TDRD9: variants seen among roughly 807,000 people sequenced by gnomAD.
The protein encoded by TDRD9 is tudor domain containing 9, also known as ATP-dependent RNA helicase TDRD9.
A neutral mutation model predicts 172.6 loss-of-function variants in TDRD9; 124 were observed. That is an observed-to-expected ratio of 0.72 (90% CI 0.62 to 0.83). The LOEUF is 0.83. TDRD9 is among the 40% of genes least tolerant of loss of function. TDRD9 has a pLI of 0.00. For missense variants in TDRD9, 1,479 were observed against 1,714.1 expected, an observed-to-expected ratio of 0.86 and a Z score of 2.42; for synonymous variants, 619 against 617.1, an observed-to-expected ratio of 1.00 and a Z score of -0.05.
At position 104,034,122 on chromosome 14, in the gene TDRD9, C is replaced by T. The variant is rs577756989; in HGVS notation, c.3619+53C>T. The T allele has an allele frequency of 6.4e-5, 70 of 1,101,974 alleles. No homozygotes were observed. The African/African-American group carries it at 9.8e-4, about 15-fold the overall frequency. The allele number at this position is 1,101,974 out of a possible 1,614,324, so 68.3% of individuals were successfully genotyped here. A position where few individuals can be genotyped will look rare whatever the true frequency, so the allele number is the denominator to read the frequency against. On this transcript the variant is annotated intron_variant, in intron 31 of 35. Coordinates refer to ENST00000409874, the MANE Select transcript of TDRD9 (RefSeq NM_153046.3). ...GTCCTCTCTTTTTTCTTTTCCTTGA[C>T]TTCAGCTACTAGGAACAACTTATCC...
chr14:103,986,073 A>C, intron 7 of TDRD9, 144 bp from the exon 8 acceptor site: 2 of 659,620 alleles, frequency 3.0e-6, no homozygotes, highest in Non-Finnish European at 5.4e-6. Context: ...GTGTTCAGAC[A>C]TTGCTGTCAA....
At chr14:103,939,291 C>T (rs1444820196) in intron 1 of TDRD9, among the ~76,000 whole-genome samples, 2 of 152,132 alleles carry the variant, frequency 1.3e-5, no homozygotes, top group African/African-American at 2.4e-5. Flanking sequence ...ACAAACTTCA[C>T]GTTCTCCTTG....
At position 103,959,455 on chromosome 14, in the gene TDRD9, CGTGT is replaced by C. The variant is rs151216232; in HGVS notation, c.323-3601_323-3598del. 6.2e-4 allele frequency among the ~76,000 whole-genome samples: 90 copies of C among 144,110 alleles called. 1 individual carries two copies. In the East Asian group the frequency reaches 0.011, roughly 17 times the overall value. The allele number at this position is 144,110 out of a possible 152,430, so 94.5% of individuals were successfully genotyped here. ...CACTGAAGAAGTAAGGTCAGGTTAT[CGTGT>C]GTGTGTGTGTGTGTGTGTGTGTATG... On this transcript the variant is annotated intron_variant, in intron 2 of 35. Coordinates refer to ENST00000409874, the MANE Select transcript of TDRD9 (RefSeq NM_153046.3).
intron 10 of TDRD9, 51 bp downstream of exon 10, chr14:103,994,437 T>C (rs556010363): frequency 5.0e-6 from 8 of 1,603,626 alleles, no homozygotes; most frequent in South Asian, 1.1e-5. Flanking sequence ...GCATTGTTTC[T>C]GCCTTAAATT....
chr14:104,037,166 G>C (rs147667113), intron 32 of TDRD9, among the ~76,000 whole-genome samples: 241 of 152,124 alleles, frequency 1.6e-3, no homozygotes, highest in Middle Eastern at 0.01. Flanking sequence ...CGAGCAGGAG[G>C]GGGGTCTTCA....
Position 104,047,769 on chromosome 14 carries a change from T to A in TDRD9, c.3975-1839T>A, listed in dbSNP as rs141019311. Among the ~76,000 whole-genome samples the A allele has an allele frequency of 6.6e-5, 10 of 152,334 alleles. 1 individual carries two copies. The highest frequency in any genetic ancestry group is 1.4e-4 in the African/African-American group (6 of 41,580). ...GATCTGTCCTAAGGTTACTGATCCT[T>A]TATTATTTCATCTCAGGTCGACGTG... On this transcript the variant is annotated intron_variant, in intron 34 of 35. Transcript: ENST00000409874.
At chr14:103,987,337 T>C (rs1176005353) in intron 8 of TDRD9, among the ~76,000 whole-genome samples, 3 of 152,200 alleles carry the variant, frequency 2.0e-5, no homozygotes, top group Non-Finnish European at 4.4e-5. Context: ...CTTAGATAGC[T>C]CATTTCTTTT....
At chr14:103,929,294 C>G (rs1289513908) in intron 1 of TDRD9, among the ~76,000 whole-genome samples, 2 of 152,144 alleles carry the variant, frequency 1.3e-5, no homozygotes, top group Admixed American at 6.6e-5. Flanking sequence ...TTTACTGTCT[C>G]CATAATTTTG....
At chr14:103,971,682 T>C (rs1225610604) in intron 6 of TDRD9, among the ~76,000 whole-genome samples, 2 of 152,190 alleles carry the variant, frequency 1.3e-5, no homozygotes, top group African/African-American at 4.8e-5. Context: ...CACCAGATCT[T>C]GCCAGGAAGC....
intron 7 of TDRD9, among the ~76,000 whole-genome samples, chr14:103,985,073 C>G (rs2033611986): frequency 2.0e-5 from 3 of 152,158 alleles, no homozygotes; most frequent in Non-Finnish European, 4.4e-5. Flanking sequence ...ACCTGTACCC[C>G]CATTGTATCT....
intron 1 of TDRD9, among the ~76,000 whole-genome samples, chr14:103,931,585 G>A (rs1158499059): frequency 6.6e-6 from 1 of 152,186 alleles, no homozygotes; most frequent in East Asian, 1.9e-4. Flanking sequence ...TCATGATTTT[G>A]TAGATGAAGC....
intron 28 of TDRD9, among the ~76,000 whole-genome samples, chr14:104,028,542 G>A (rs2035191610): frequency 6.6e-6 from 1 of 151,946 alleles, no homozygotes; most frequent in Admixed American, 6.6e-5. Flanking sequence ...TGGATTATTT[G>A]CTTTTTTGCT....
chr14:104,006,991 C>T, intron 18 of TDRD9, 146 bp downstream of exon 18: 1 of 981,170 alleles, frequency 1.0e-6, no homozygotes, highest in Non-Finnish European at 1.5e-6. Flanking sequence ...GTTAAATTAA[C>T]CGTGCTGGAA....
At chr14:104,034,438 C>T (rs2152255841) in intron 31 of TDRD9, among the ~76,000 whole-genome samples, 1 of 152,286 alleles carries the variant, frequency 6.6e-6, no homozygotes, top group African/African-American at 2.4e-5. Context: ...GATCCACCCG[C>T]CTTGGCCTCC....
intron 11 of TDRD9, among the ~76,000 whole-genome samples, chr14:103,995,193 A>G (rs964926392): frequency 6.6e-6 from 1 of 151,920 alleles, no homozygotes; most frequent in African/African-American, 2.4e-5. Context: ...CCTTGAAACC[A>G]CTCTGGTGAC....
intron 7 of TDRD9, among the ~76,000 whole-genome samples, chr14:103,984,383 C>T (rs1309430587): frequency 6.6e-6 from 1 of 152,166 alleles, no homozygotes; most frequent in Non-Finnish European, 1.5e-5. Flanking sequence ...GGCTTAGGGC[C>T]CCCGTGCTGT....
chr14:104,003,263 T>G (rs2034323237), intron 13 of TDRD9, among the ~76,000 whole-genome samples: 1 of 152,162 alleles, frequency 6.6e-6, no homozygotes, highest in Non-Finnish European at 1.5e-5. Context: ...GACCTCTTTA[T>G]GTTGGGATTT....
chr14:104,011,883 C>G (rs2034623198), intron 20 of TDRD9, among the ~76,000 whole-genome samples: 1 of 151,802 alleles, frequency 6.6e-6, no homozygotes, highest in African/African-American at 2.4e-5. Flanking sequence ...TTTATTTTAG[C>G]CAAAGGATAT....
intron 1 of TDRD9, among the ~76,000 whole-genome samples, chr14:103,947,528 C>T (rs2031635373): frequency 6.6e-6 from 1 of 152,006 alleles, no homozygotes; most frequent in South Asian, 2.1e-4. Context: ...TGGGGTTTCA[C>T]CGTGTTTGCC....
Sources: allele counts gnomAD v4.1 joint callset (sites outside exome capture counted in the v4.1 genomes callset), GRCh38; gene constraint gnomAD v4.1.1; transcripts MANE v1.5; gene names NCBI Gene and HGNC (gene_info 2026-07-23, HGNC 2026-07-21).